CDH12: variants seen among roughly 807,000 people sequenced by gnomAD.
The protein encoded by CDH12 is cadherin-12.
In CDH12, 41 loss-of-function variants were observed where a neutral mutation model predicts 74.1. That is an observed-to-expected ratio of 0.55 (90% confidence interval 0.43 to 0.72). The LOEUF (loss-of-function observed/expected upper bound fraction) is 0.72, where lower values mean the gene tolerates loss of function less well. Among genes scored for constraint, CDH12 ranks in the 30% least tolerant of loss-of-function variants. The pLI is 0.00. For missense variants in CDH12, 945 were observed against 977.2 expected (o/e 0.97, Z 0.44); for synonymous variants, 399 against 355.0 (o/e 1.12, Z -1.39).
At chr5:22,267,865 T>C (rs976432692) in intron 3 of CDH12, among the ~76,000 whole-genome samples, 4 of 152,172 alleles carry the variant, frequency 2.6e-5, no homozygotes, top group Non-Finnish European at 5.9e-5. Flanking sequence ...AGCTGAAGCC[T>C]GGACGTAGAC....
intron 3 of CDH12, among the ~76,000 whole-genome samples, chr5:22,285,728 A>G (rs1737106623): frequency 6.6e-6 from 1 of 152,084 alleles, no homozygotes; most frequent in Admixed American, 6.6e-5. Flanking sequence ...GAAAGATATC[A>G]TTTTGCTCTA....
intron 1 of CDH12, among the ~76,000 whole-genome samples, chr5:22,591,165 G>A (rs1172586783): frequency 3.9e-5 from 6 of 152,044 alleles, no homozygotes; most frequent in Admixed American, 3.9e-4. Flanking sequence ...TTGCATGTAG[G>A]TCATTTATTA....
chr5:22,440,951 T>G (rs1245879731), intron 2 of CDH12, among the ~76,000 whole-genome samples: 1 of 152,156 alleles, frequency 6.6e-6, no homozygotes, highest in Non-Finnish European at 1.5e-5. Context: ...TAGAAAAATA[T>G]GTTTTATTTT....
At chr5:21,918,913 T>C (rs1754228453) in intron 6 of CDH12, among the ~76,000 whole-genome samples, 1 of 152,200 alleles carries the variant, frequency 6.6e-6, no homozygotes, top group Admixed American at 6.5e-5. Flanking sequence ...CTCTAATGTA[T>C]ATTCTATATA....
chr5:22,775,842 T>C (rs1174953278), intron 1 of CDH12, among the ~76,000 whole-genome samples: 1 of 152,158 alleles, frequency 6.6e-6, no homozygotes, highest in Non-Finnish European at 1.5e-5. Context: ...CCGTGTGTTG[T>C]GGGAGGGACC....
intron 1 of CDH12, among the ~76,000 whole-genome samples, chr5:22,680,357 G>A (rs185242457): frequency 6.6e-6 from 1 of 152,006 alleles, no homozygotes; most frequent in Non-Finnish European, 1.5e-5. Context: ...AAGAAACCCT[G>A]TTGCTATTAA....
chr5:22,381,141 T>C (rs1166178616), intron 3 of CDH12, among the ~76,000 whole-genome samples: 1 of 152,060 alleles, frequency 6.6e-6, no homozygotes, highest in Non-Finnish European at 1.5e-5. Context: ...ATCTATTCTA[T>C]CTTTCTCTTG....
intron 1 of CDH12, among the ~76,000 whole-genome samples, chr5:22,695,004 C>T (rs779445189): frequency 9.2e-5 from 14 of 151,924 alleles, no homozygotes; most frequent in Non-Finnish European, 2.1e-4. Context: ...CCCAACCCAC[C>T]GACGGTCCTG....
At chr5:22,185,291 C>T (rs1454716908) in intron 4 of CDH12, among the ~76,000 whole-genome samples, 1 of 151,518 alleles carries the variant, frequency 6.6e-6, no homozygotes, top group Non-Finnish European at 1.5e-5. Flanking sequence ...CTCTGCCTCC[C>T]AGGTTCAAGT....
intron 3 of CDH12, among the ~76,000 whole-genome samples, chr5:22,301,237 G>T (rs1737867094): frequency 6.6e-6 from 1 of 152,048 alleles, no homozygotes; most frequent in Non-Finnish European, 1.5e-5. Flanking sequence ...GTAAAATATT[G>T]CCCTTGTTCC....
chr5:22,333,523 G>A (rs1340926061), intron 3 of CDH12, among the ~76,000 whole-genome samples: 8 of 152,022 alleles, frequency 5.3e-5, no homozygotes, highest in East Asian at 3.9e-4. Flanking sequence ...CCCAGGATCC[G>A]ATGGCTTCAC....
intron 4 of CDH12, among the ~76,000 whole-genome samples, chr5:22,096,257 C>T (rs990019080): frequency 9.9e-5 from 15 of 152,234 alleles, no homozygotes; most frequent in South Asian, 4.1e-4. Context: ...ACGGCACTTT[C>T]GATTTTTCCG....
At chr5:22,600,364 A>G (rs1271051857) in intron 1 of CDH12, among the ~76,000 whole-genome samples, 1 of 152,062 alleles carries the variant, frequency 6.6e-6, no homozygotes. Flanking sequence ...ACTAAATTCC[A>G]TTTAAAATTT....
At chr5:22,748,539 G>A (rs140638305) in intron 1 of CDH12, among the ~76,000 whole-genome samples, 1,703 of 152,116 alleles carry the variant, frequency 0.011, 31 homozygotes, top group African/African-American at 0.039. Context: ...GTTTTCTTCT[G>A]GGCCCTGTTT....
At chr5:22,622,460 T>C (rs1205747009) in intron 1 of CDH12, among the ~76,000 whole-genome samples, 1 of 151,998 alleles carries the variant, frequency 6.6e-6, no homozygotes, top group Non-Finnish European at 1.5e-5. Context: ...ACTCCCCAGA[T>C]ACATGCAATA....
intron 11 of CDH12, among the ~76,000 whole-genome samples, chr5:21,772,545 A>AT (rs1197849987): frequency 6.6e-6 from 1 of 152,084 alleles, no homozygotes; most frequent in Non-Finnish European, 1.5e-5. Context: ...AAGTGCTGGG[A>AT]TTATAGGTGT....
chr5:21,793,373 T>C (rs1746611127), intron 10 of CDH12, among the ~76,000 whole-genome samples: 2 of 151,786 alleles, frequency 1.3e-5, no homozygotes, highest in Non-Finnish European at 3.0e-5. Flanking sequence ...CTATTCATAA[T>C]ACAGTGCACT....
intron 10 of CDH12, among the ~76,000 whole-genome samples, chr5:21,798,069 C>T (rs1047989958): frequency 6.6e-6 from 1 of 151,718 alleles, no homozygotes. Context: ...AATAACTGTT[C>T]ACATTTAAAA....
intron 5 of CDH12, among the ~76,000 whole-genome samples, chr5:22,074,749 A>C (rs577855941): frequency 3.3e-5 from 5 of 152,290 alleles, no homozygotes; most frequent in Admixed American, 1.3e-4. Context: ...GCAAATCAAA[A>C]CCACAATGAG....
Sources: gnomAD v4.1 joint callset for allele counts (sites outside exome capture counted in the v4.1 genomes callset) on GRCh38, gnomAD v4.1.1 for gene constraint, MANE v1.5 for transcripts, NCBI Gene and HGNC (gene_info 2026-07-23, HGNC 2026-07-21) for gene names.